Variants in KIRREL3 observed in about 807,000 individuals in gnomAD.
KIRREL3 encodes kirre like nephrin family adhesion molecule 3, also known as kin of IRRE-like protein 3.
A neutral mutation model predicts 89.7 loss-of-function variants in KIRREL3; 36 were observed. The observed-to-expected ratio is 0.40, with a 90% CI of 0.31 to 0.53. KIRREL3 has a LOEUF of 0.53. Among genes scored for constraint, KIRREL3 ranks in the 20% least tolerant of loss-of-function variants. The pLI is 0.49. For missense variants in KIRREL3, 864 were observed against 1,056.6 expected, an observed-to-expected ratio of 0.82 and a Z score of 2.53; for synonymous variants, 445 against 441.4, an observed-to-expected ratio of 1.01 and a Z score of -0.10.
At position 126,669,997 on chromosome 11, in the gene KIRREL3, G is replaced by A. The variant is rs1451803144; in HGVS notation, c.56-107085C>T. ...TCAAGCTCATGCCTCAGTCTCCCCT[G>A]ACTCTTCCCATTCCTTCTCCCAGCA... On this transcript the variant is annotated intron_variant, in intron 1 of 16. Transcript: ENST00000525144. This position sits in a 1 kb window ranked among gnomAD's most constrained non-coding sequence, Gnocchi z 5.0. Among the ~76,000 whole-genome samples the A allele has an allele frequency of 6.6e-6, 1 of 152,092 alleles. No homozygotes were observed. The highest frequency in any genetic ancestry group is 1.5e-5 in the Non-Finnish European group (1 of 68,014).
rs1948961247 is a variant in KIRREL3, at chr11:126,740,957, T to C, written c.56-178045A>G. On this transcript the variant is annotated intron_variant, in intron 1 of 16. Transcript: ENST00000525144. The surrounding 1 kb of genome is among the most constrained non-coding windows in gnomAD (Gnocchi z 6.0). ...AAATATCATCAGATAGTGCTTACTT[T>C]GGGGCTGAGTGAGAATAGGAAAGTG... 6.6e-6 allele frequency among the ~76,000 whole-genome samples: 1 copy of C among 152,086 alleles called. No homozygotes were observed. The highest frequency in any genetic ancestry group is 1.5e-5 in the Non-Finnish European group (1 of 67,996).
chr11:126,434,477 C>G (rs1211143495), intron 13 of KIRREL3, among the ~76,000 whole-genome samples: 3 of 152,250 alleles, frequency 2.0e-5, no homozygotes, highest in Non-Finnish European at 4.4e-5. Context: ...AGGGGCATGT[C>G]TGCCAGGAGG....
At chr11:126,700,807 T>C (rs527627454) in intron 1 of KIRREL3, among the ~76,000 whole-genome samples, 9 of 152,284 alleles carry the variant, frequency 5.9e-5, no homozygotes, top group Admixed American at 2.0e-4. Flanking sequence ...TGGGCAAATA[T>C]CTCTCTGAGA....
At position 126,891,506 on chromosome 11, in the gene KIRREL3, C is replaced by T. The variant is rs912478135; in HGVS notation, c.55+108949G>A. On this transcript the variant is annotated intron_variant, in intron 1 of 16. Coordinates refer to ENST00000525144, the MANE Select transcript of KIRREL3 (RefSeq NM_032531.4). The surrounding 1 kb of genome is among the most constrained non-coding windows in gnomAD (Gnocchi z 5.1). The stretch of plus-strand genomic sequence containing the variant: ...AGTGGCTGTCTTTGAGAGCGCTCCA[C>T]AGTCCCTGCCATGGATGGATTCCTT... Among the ~76,000 whole-genome samples, 9 of 152,214 alleles carry T rather than the reference C, an allele frequency of 5.9e-5. No homozygotes were observed. The highest frequency in any genetic ancestry group is 5.2e-4 in the Admixed American group (8 of 15,286).
At chr11:126,753,526 C>T (rs1949403582) in intron 1 of KIRREL3, among the ~76,000 whole-genome samples, 1 of 152,148 alleles carries the variant, frequency 6.6e-6, no homozygotes, top group Admixed American at 6.5e-5. Flanking sequence ...TTGTGGGGGA[C>T]AAGAGTCTTC....
Position 126,683,368 on chromosome 11 carries a change from G to C in KIRREL3, c.56-120456C>G, listed in dbSNP as rs958156075. On this transcript the variant is annotated intron_variant, in intron 1 of 16. Transcript: ENST00000525144. The surrounding 1 kb of genome is among the most constrained non-coding windows in gnomAD (Gnocchi z 5.2). ...TGCAAGTAAGTGGGATCGACCGTGG[G>C]GTCTCTGGACAGCTCCCCAGAGGGC... is the stretch of plus-strand genomic sequence containing the variant. Among the ~76,000 whole-genome samples the C allele has an allele frequency of 6.6e-6, 1 of 152,148 alleles. No homozygotes were observed. Among genetic ancestry groups the C allele is most frequent in the South Asian group, 2.1e-4 (1 of 4,826 alleles).
At chr11:126,629,025 T>G (rs1943907741) in intron 1 of KIRREL3, among the ~76,000 whole-genome samples, 1 of 152,228 alleles carries the variant, frequency 6.6e-6, no homozygotes, top group Non-Finnish European at 1.5e-5. Context: ...GCAGAAGATT[T>G]TAATTAAAAT....
In KIRREL3 at chr11:126,462,570, A is replaced by T. The variant is rs1276780680; in HGVS notation, c.742+587T>A. On this transcript the variant is annotated intron_variant, in intron 6 of 16. Coordinates refer to ENST00000525144, the MANE Select transcript of KIRREL3 (RefSeq NM_032531.4). The surrounding 1 kb of genome is among the most constrained non-coding windows in gnomAD (Gnocchi z 4.8). ...ATCCCAGCTACTCAGGCAGGCTAAG[A>T]CAGGAGAATCGCTTGAACCTGGGCA... Among the ~76,000 whole-genome samples the T allele has an allele frequency of 6.6e-6, 1 of 152,182 alleles. No homozygotes were observed. The highest frequency in any genetic ancestry group is 1.5e-5 in the Non-Finnish European group (1 of 68,040).
At position 126,596,633 on chromosome 11, in the gene KIRREL3, C is replaced by T. The variant is rs1485101804; in HGVS notation, c.56-33721G>A. On this transcript the variant is annotated intron_variant, in intron 1 of 16. Transcript: ENST00000525144. ...TTTTTCTCTGGGAAGTGACTCTGCTCCCTGACTTCTGGCAGGCATGCGGGA... is the reference window on the plus strand; with the variant it reads ...TTTTTCTCTGGGAAGTGACTCTGCTTCCTGACTTCTGGCAGGCATGCGGGA... Among the ~76,000 whole-genome samples the T allele has an allele frequency of 4.6e-5, 7 of 152,214 alleles. No homozygotes were observed. In the East Asian group the frequency reaches 1.3e-3, roughly 29 times the overall value.
rs1391708592 is a variant in KIRREL3, at chr11:126,535,485, A to G, written c.134-8798T>C. ...ATCCCTAATTATTTCCTGAGGGGGA[A>G]GAGTCATTTTGCCATGGAAGGCGCA... On this transcript the variant is annotated intron_variant, in intron 2 of 16. Transcript: ENST00000525144. The surrounding 1 kb of genome is among the most constrained non-coding windows in gnomAD (Gnocchi z 4.5). Among the ~76,000 whole-genome samples the G allele has an allele frequency of 2.0e-5, 3 of 152,116 alleles. No homozygotes were observed. The highest frequency in any genetic ancestry group is 2.0e-4 in the Admixed American group (3 of 15,266).
Position 126,755,249 on chromosome 11 carries a change from CT to C in KIRREL3, c.56-192338del, listed in dbSNP as rs1949454210. 6.6e-6 allele frequency among the ~76,000 whole-genome samples: 1 copy of C among 152,178 alleles called. No individual in the cohort carries two copies. Among genetic ancestry groups the C allele is most frequent in the African/African-American group, 2.4e-5 (1 of 41,444 alleles). ...TTCCCATCCGAGGCCCTTGCCTGCC[CT>C]CCTGTAGCCACAAACATAGCCCTGC... On this transcript the variant is annotated intron_variant, in intron 1 of 16. Transcript: ENST00000525144. This position sits in a 1 kb window ranked among gnomAD's most constrained non-coding sequence, Gnocchi z 4.3.
chr11:126,520,253 T>C lies in KIRREL3; in HGVS notation c.433+1062A>G, dbSNP rs1958541424. Among the ~76,000 whole-genome samples the C allele has an allele frequency of 6.6e-6, 1 of 152,232 alleles. No individual in the cohort carries two copies. Among genetic ancestry groups the C allele is most frequent in the South Asian group, 2.1e-4 (1 of 4,832 alleles). On this transcript the variant is annotated intron_variant, in intron 4 of 16. Coordinates refer to ENST00000525144, the MANE Select transcript of KIRREL3 (RefSeq NM_032531.4). This position sits in a 1 kb window ranked among gnomAD's most constrained non-coding sequence, Gnocchi z 4.9. ...CAGCTGCTGACCCTGTTGTCGAACC[T>C]TCACAACAGCTGCTAAGGGGTGGGC...
intron 1 of KIRREL3, among the ~76,000 whole-genome samples, chr11:126,907,759 G>A (rs531472905): frequency 6.6e-6 from 1 of 151,980 alleles, no homozygotes; most frequent in Non-Finnish European, 1.5e-5. Flanking sequence ...CAGCAGGATC[G>A]GGCCCCTGCT....
At position 126,436,910 on chromosome 11, in the gene KIRREL3, T is replaced by C. The variant is rs776333114; in HGVS notation, c.1453A>G (p.Ile485Val). 3.1e-6 allele frequency: 5 copies of C among 1,613,500 alleles called. No individual in the cohort carries two copies. The highest frequency in any genetic ancestry group is 1.3e-5 in the African/African-American group (1 of 75,028). ...TEEGVISTLT[I>V]SNIVRADFQT... ...AAGTCGGCCCGCACGATGTTGCTGA[T>C]GGTCAGGGTGGAGATGACGCCCTCC... is the stretch of plus-strand genomic sequence containing the variant. The change falls in exon 12 of 17, where the codon ATC becomes GTC. Residue 485 changes from isoleucine (I) to valine (V), a missense_variant. Transcript: ENST00000525144.
At chr11:126,439,732 T>C (rs548149814) in intron 11 of KIRREL3, among the ~76,000 whole-genome samples, 39 of 151,176 alleles carry the variant, frequency 2.6e-4, no homozygotes, top group Admixed American at 6.6e-4. Context: ...GGCATGAGAA[T>C]TGCTTGAACT....
chr11:126,781,298 A>T (rs1056214741), intron 1 of KIRREL3, among the ~76,000 whole-genome samples: 1 of 152,178 alleles, frequency 6.6e-6, no homozygotes, highest in Non-Finnish European at 1.5e-5. Context: ...TTTTCTTAAC[A>T]TTCCTTTTCA....
chr11:126,825,526 T>C (rs1330016067), intron 1 of KIRREL3, among the ~76,000 whole-genome samples: 2 of 152,224 alleles, frequency 1.3e-5, no homozygotes, highest in African/African-American at 4.8e-5. Context: ...TTGAGATTTC[T>C]GCAAAAACAT....
chr11:126,798,345 T>C (rs1950879424), intron 1 of KIRREL3, among the ~76,000 whole-genome samples: 1 of 134,546 alleles, frequency 7.4e-6, no homozygotes, highest in African/African-American at 2.9e-5. Context: ...CTGGCTGATG[T>C]TCAGGGTGCC....
At chr11:126,616,647 T>C (rs566230517) in intron 1 of KIRREL3, among the ~76,000 whole-genome samples, 44 of 152,306 alleles carry the variant, frequency 2.9e-4, no homozygotes, top group African/African-American at 1.0e-3. Context: ...GGGCTTTTGT[T>C]GTTGTTGGTT....
Sources: gnomAD v4.1 joint callset for allele counts (sites outside exome capture counted in the v4.1 genomes callset) on GRCh38, gnomAD v4.1.1 for gene constraint, Gnocchi (gnomAD v3.1) non-coding constraint, MANE v1.5 for transcripts, NCBI Gene and HGNC (gene_info 2026-07-23, HGNC 2026-07-21) for gene names.